The following FAM151B variants were observed in gnomAD, a reference collection of about 807,000 sequenced individuals.
FAM151B encodes the protein protein FAM151B.
A neutral mutation model predicts 31.2 loss-of-function variants in FAM151B; 24 were observed. The ratio of observed to expected loss-of-function variants is 0.77; its 90% confidence interval spans 0.56 to 1.08. FAM151B has a LOEUF of 1.08. Ranked by LOEUF, FAM151B falls within the 50% of genes least tolerant of loss-of-function variation. FAM151B has a pLI of 0.00. For synonymous variants in FAM151B, 105 were observed against 111.4 expected (o/e 0.94, Z 0.36); for missense variants, 293 against 328.6 (o/e 0.89, Z 0.84).
chr5:80,539,065 A>G (rs1162836307), intron 5 of FAM151B, among the ~76,000 whole-genome samples: 1 of 127,476 alleles, frequency 7.8e-6, no homozygotes, highest in African/African-American at 3.0e-5. Context: ...TTTCTTTCCT[A>G]GGTGTATGAT....
chr5:80,494,464 C>CTTTTCTTTTG, intron 1 of FAM151B, among the ~76,000 whole-genome samples: 1 of 45,378 alleles, frequency 2.2e-5, no homozygotes, highest in African/African-American at 8.5e-5. Flanking sequence ...TCTTTTCTTT[C>CTTTTCTTTTG]TTTCTTTCTT....
chr5:80,501,835 C>A lies in FAM151B; in HGVS notation c.69C>A (p.Ser23Arg). The change falls in exon 2 of 6, where the codon AGC becomes AGA. Residue 23 changes from serine (S) to arginine (R), a missense_variant. Coordinates refer to ENST00000282226, the MANE Select transcript of FAM151B (RefSeq NM_205548.3). ...TACTGGAATATTTTCTGAGAAATAG[C>A]CAGATTACAGCAGAAGACGGTGCTG... ...ENILEYFLRN[S>R]QITAEDGAEI... 6.2e-7 allele frequency: 1 copy of A among 1,600,494 alleles called. No individual in the cohort carries two copies. The highest frequency in any genetic ancestry group is 8.5e-7 in the Non-Finnish European group (1 of 1,171,562).
chr5:80,515,831 G>T (rs574449206), intron 3 of FAM151B, among the ~76,000 whole-genome samples: 1 of 152,208 alleles, frequency 6.6e-6, no homozygotes, highest in African/African-American at 2.4e-5. Context: ...AGGCAATGGA[G>T]ATGGAGGGGC....
rs753557834 is a variant in FAM151B, at chr5:80,541,744, A to AT, written c.747dup (p.Asp250Ter). On this transcript the variant is annotated frameshift_variant, in exon 6 of 6. Transcript: ENST00000282226. LOFTEE classifies it high-confidence loss of function. ...GAAGATTTACTTTACATTAGAGACCATTTTGACAAAAAACAAGTTTTCTAT... is the reference window on the plus strand; with the variant it reads ...GAAGATTTACTTTACATTAGAGACCATTTTTGACAAAAAACAAGTTTTCTAT... 3 of 1,613,740 alleles carry AT rather than the reference A, an allele frequency of 1.9e-6. No individual in the cohort carries two copies. The highest frequency in any genetic ancestry group is 2.5e-6 in the Non-Finnish European group (3 of 1,179,778).
chr5:80,499,366 CTAGA>C (rs1160285164), intron 1 of FAM151B, among the ~76,000 whole-genome samples: 1 of 152,042 alleles, frequency 6.6e-6, no homozygotes, highest in Non-Finnish European at 1.5e-5. Flanking sequence ...ATTGCACACG[CTAGA>C]TAAACTTATG....
At chr5:80,499,420 G>A (rs189229170) in intron 1 of FAM151B, among the ~76,000 whole-genome samples, 74 of 152,292 alleles carry the variant, frequency 4.9e-4, no homozygotes, top group African/African-American at 1.7e-3. Context: ...TCATATAGAT[G>A]TTGCTGAGAA....
At chr5:80,514,830 A>G (rs1463487632) in intron 3 of FAM151B, among the ~76,000 whole-genome samples, 2 of 152,182 alleles carry the variant, frequency 1.3e-5, no homozygotes, top group East Asian at 3.8e-4. Flanking sequence ...TATGGGGCAA[A>G]ATATACCAGT....
intron 5 of FAM151B, among the ~76,000 whole-genome samples, chr5:80,532,743 T>C (rs887847743): frequency 4.6e-5 from 7 of 152,218 alleles, no homozygotes; most frequent in African/African-American, 1.7e-4. Flanking sequence ...GTAGACCATA[T>C]ATTAGATCAC....
intron 5 of FAM151B, among the ~76,000 whole-genome samples, chr5:80,534,589 G>A (rs1745406647): frequency 6.6e-6 from 1 of 152,146 alleles, no homozygotes; most frequent in African/African-American, 2.4e-5. Flanking sequence ...AAAAAACTGG[G>A]TATGGAAGGA....
At chr5:80,492,122 A>G (rs183339708) in intron 1 of FAM151B, among the ~76,000 whole-genome samples, 1 of 152,292 alleles carries the variant, frequency 6.6e-6, no homozygotes, top group Non-Finnish European at 1.5e-5. Context: ...GCCATTGTAC[A>G]AGCATTCCTT....
chr5:80,493,366 A>G (rs1023326804), intron 1 of FAM151B, among the ~76,000 whole-genome samples: 1 of 152,060 alleles, frequency 6.6e-6, no homozygotes, highest in African/African-American at 2.4e-5. Flanking sequence ...CTGATTGTAA[A>G]ACATGTGTGT....
chr5:80,515,456 TC>T (rs1339713141), intron 3 of FAM151B, among the ~76,000 whole-genome samples: 5 of 152,120 alleles, frequency 3.3e-5, no homozygotes, highest in Admixed American at 2.6e-4. Context: ...AAGCATTTGA[TC>T]TTTAGTGCTT....
intron 5 of FAM151B, among the ~76,000 whole-genome samples, chr5:80,531,348 A>T (rs1448380148): frequency 6.6e-6 from 1 of 152,186 alleles, no homozygotes; most frequent in African/African-American, 2.4e-5. Flanking sequence ...ATGACTAAAC[A>T]CCAAAAGCAA....
chr5:80,519,884 G>T lies in FAM151B; in HGVS notation c.509G>T (p.Gly170Val). 1 of 1,614,018 alleles carries T rather than the reference G, an allele frequency of 6.2e-7. No individual in the cohort carries two copies. Among genetic ancestry groups the T allele is most frequent in the Non-Finnish European group, 8.5e-7 (1 of 1,179,936 alleles). ...DVTFSLGWTT[G>V]WHPEKVNEGY... ...ACGTTTTCCCTGGGTTGGACAACAG[G>T]ATGGCATCCTGAGAAAGTCAATGAA... Residue 170 changes from glycine to valine, a missense_variant, in exon 4 of 6, where the codon GGA (glycine) becomes GTA (valine). Transcript: ENST00000282226.
At chr5:80,531,687 A>G (rs1212359159) in intron 5 of FAM151B, among the ~76,000 whole-genome samples, 1 of 152,220 alleles carries the variant, frequency 6.6e-6, no homozygotes, top group East Asian at 1.9e-4. Context: ...CCACAATGAG[A>G]AACCGTCTCA....
chr5:80,535,360 C>G (rs1214513866), intron 5 of FAM151B, among the ~76,000 whole-genome samples: 2 of 152,148 alleles, frequency 1.3e-5, no homozygotes, highest in East Asian at 1.9e-4. Flanking sequence ...TACTACAGAG[C>G]TATAGTAACC....
intron 2 of FAM151B, among the ~76,000 whole-genome samples, chr5:80,504,460 G>A (rs1743871310): frequency 1.4e-5 from 2 of 141,442 alleles, no homozygotes; most frequent in Admixed American, 1.4e-4. Flanking sequence ...CCCATTTACT[G>A]ATTTTTTTTC....
intron 2 of FAM151B, among the ~76,000 whole-genome samples, chr5:80,512,839 A>G (rs993830190): frequency 2.7e-4 from 41 of 152,070 alleles, no homozygotes; most frequent in African/African-American, 9.2e-4. Flanking sequence ...AAGAATTTTT[A>G]AAATTATTTT....
rs540788897 is a variant in FAM151B at position 80,517,239 on chromosome 5, TG to T, written c.318-2453del. ...CTAGTTTATGTTGCTAATCTCTTAC[TG>T]TGACTAATTTATAAATTACACTTTA... On this transcript the variant is annotated intron_variant, in intron 3 of 5. Transcript: ENST00000282226. Among the ~76,000 whole-genome samples the T allele has an allele frequency of 5.2e-3, 791 of 152,286 alleles. 5 individuals are homozygous for T. Among genetic ancestry groups the T allele is most frequent in the African/African-American group, 0.018 (743 of 41,560 alleles).
Sources: allele counts gnomAD v4.1 joint callset (sites outside exome capture counted in the v4.1 genomes callset), GRCh38; gene constraint gnomAD v4.1.1; transcripts MANE v1.5; gene names NCBI Gene and HGNC (gene_info 2026-07-23, HGNC 2026-07-21).